The following ATG5 variants were observed in gnomAD, a reference collection of about 807,000 sequenced individuals.
ATG5 encodes autophagy related 5.
A neutral mutation model predicts 36.5 loss-of-function variants in ATG5; 14 were observed. The ratio of observed to expected loss-of-function variants is 0.38; its 90% CI spans 0.25 to 0.60. The LOEUF is 0.60. Ranked by LOEUF, ATG5 falls within the 20% of genes least tolerant of loss-of-function variation. The probability of loss-of-function intolerance (pLI) is 0.60; values close to 1 mark genes in which losing one functional copy is unlikely to be tolerated. For synonymous variants in ATG5, 95 were observed against 101.5 expected (o/e 0.94, Z 0.38); for missense variants, 195 against 326.7 (o/e 0.60, Z 3.11).
intron 1 of ATG5, among the ~76,000 whole-genome samples, chr6:106,323,260 C>CT (rs71274321): frequency 0.38 from 24,530 of 64,250 alleles, 7,135 homozygotes; most frequent in Non-Finnish European, 0.48. Context: ...TGGAAAAGTC[C>CT]TTTTTTTTTT....
chr6:106,231,090 A>G (rs9486308), intron 6 of ATG5, among the ~76,000 whole-genome samples: 26,536 of 152,002 alleles, frequency 0.17, 2,734 homozygotes, highest in African/African-American at 0.28. Flanking sequence ...TAACCAAAGA[A>G]TGCCAATATT....
chr6:106,211,965 C>T (rs1476953851), intron 6 of ATG5, among the ~76,000 whole-genome samples: 1 of 152,098 alleles, frequency 6.6e-6, no homozygotes, highest in East Asian at 1.9e-4. Context: ...ATTTGATTTA[C>T]AAGGGTTGCT....
Position 106,224,604 on chromosome 6 carries a change from G to A in ATG5, c.574-22515C>T, listed in dbSNP as rs145088158. On this transcript the variant is annotated intron_variant, in intron 6 of 7. Coordinates refer to ENST00000369076, the MANE Select transcript of ATG5 (RefSeq NM_004849.4). ...TAAGACCAGAAATACGGCCAGGTGCGGTGGCTCATGCCTGTAATCCCAGCA... is the reference window on the plus strand; with the variant it reads ...TAAGACCAGAAATACGGCCAGGTGCAGTGGCTCATGCCTGTAATCCCAGCA... Among the ~76,000 whole-genome samples the A allele has an allele frequency of 2.6e-3, 402 of 152,248 alleles. 2 individuals carry two copies. Among genetic ancestry groups the A allele is most frequent in the Admixed American group, 4.9e-3 (75 of 15,296 alleles).
intron 3 of ATG5, among the ~76,000 whole-genome samples, chr6:106,298,881 T>C (rs1770091122): frequency 1.3e-5 from 2 of 152,346 alleles, no homozygotes; most frequent in South Asian, 4.1e-4. Flanking sequence ...TTAAAGGTAC[T>C]GAGTTTCTCT....
intron 6 of ATG5, among the ~76,000 whole-genome samples, chr6:106,202,694 C>T (rs9486305): frequency 0.17 from 26,483 of 152,162 alleles, 2,713 homozygotes; most frequent in African/African-American, 0.28. Context: ...CAGAGTCTCG[C>T]TCTGCCACCC....
intron 7 of ATG5, among the ~76,000 whole-genome samples, chr6:106,188,306 T>C (rs1775846304): frequency 6.6e-6 from 1 of 152,230 alleles, no homozygotes; most frequent in South Asian, 2.1e-4. Context: ...GGTATAATTC[T>C]CTTCATATTC....
Position 106,218,097 on chromosome 6 carries a change from T to C in ATG5, c.574-16008A>G, listed in dbSNP as rs1488921408. Among the ~76,000 whole-genome samples the C allele has an allele frequency of 4.6e-5, 7 of 152,122 alleles. No homozygotes were observed. In the East Asian group the frequency reaches 1.3e-3, roughly 29 times the overall value. On this transcript the variant is annotated intron_variant, in intron 6 of 7. Transcript: ENST00000369076. ...CATCTGAGAAATGCAAAAGAGACTT[T>C]GGTAAGGGGTTGAGTAAGGAGCATT...
chr6:106,261,831 C>T (rs1002510802), intron 5 of ATG5, among the ~76,000 whole-genome samples: 1 of 152,116 alleles, frequency 6.6e-6, no homozygotes. Flanking sequence ...ACAATTATTA[C>T]CGGGGGAGCG....
intron 1 of ATG5, 66 bp downstream of exon 1, chr6:106,325,460 A>C (rs538371058): frequency 3.9e-5 from 6 of 152,448 alleles, no homozygotes; most frequent in African/African-American, 1.5e-4. Flanking sequence ...TACCACACCT[A>C]CCTGGCCCCT....
chr6:106,314,926 C>T (rs34246759), intron 2 of ATG5, among the ~76,000 whole-genome samples: 1,698 of 152,130 alleles, frequency 0.011, 13 homozygotes, highest in South Asian at 0.029. Flanking sequence ...ACAAGATTGC[C>T]GAACTTCTCT....
chr6:106,281,412 A>G (rs1779872787), intron 4 of ATG5, among the ~76,000 whole-genome samples: 1 of 152,210 alleles, frequency 6.6e-6, no homozygotes, highest in Non-Finnish European at 1.5e-5. Flanking sequence ...GCCTGTAATA[A>G]AATCTCATAT....
At chr6:106,306,348 G>A (rs1295204065) in intron 3 of ATG5, among the ~76,000 whole-genome samples, 3 of 152,166 alleles carry the variant, frequency 2.0e-5, no homozygotes, top group Non-Finnish European at 2.9e-5. Context: ...GAAAGATGAT[G>A]ACTTAGCAAT....
chr6:106,281,665 G>T (rs922701502), intron 4 of ATG5, among the ~76,000 whole-genome samples: 3 of 152,172 alleles, frequency 2.0e-5, no homozygotes, highest in Non-Finnish European at 4.4e-5. Context: ...TTATAGACAC[G>T]TCTTCATCTT....
chr6:106,315,608 CGTGT>C (rs541899030), intron 2 of ATG5, among the ~76,000 whole-genome samples: 14 of 151,894 alleles, frequency 9.2e-5, no homozygotes, highest in African/African-American at 1.9e-4. Flanking sequence ...GTGAACGTAT[CGTGT>C]GTGTGTATGT....
At chr6:106,308,613 C>T in intron 2 of ATG5, 122 bp from the exon 3 acceptor site, 1 of 740,142 alleles carries the variant, frequency 1.4e-6, no homozygotes, top group South Asian at 2.4e-5. Flanking sequence ...GAATATCCCA[C>T]ACAAAGTCTA....
intron 6 of ATG5, among the ~76,000 whole-genome samples, chr6:106,228,523 T>A (rs990134385): frequency 6.6e-6 from 1 of 152,070 alleles, no homozygotes; most frequent in Non-Finnish European, 1.5e-5. Flanking sequence ...CAAGATTCCA[T>A]TTATTGGAAT....
intron 2 of ATG5, among the ~76,000 whole-genome samples, chr6:106,314,824 G>C (rs1278433382): frequency 1.3e-5 from 2 of 152,018 alleles, no homozygotes; most frequent in African/African-American, 4.8e-5. Context: ...GACCATACTT[G>C]GTTTTTAACT....
chr6:106,270,376 CAG>C (rs1170974279), intron 5 of ATG5, among the ~76,000 whole-genome samples: 3 of 152,124 alleles, frequency 2.0e-5, no homozygotes, highest in African/African-American at 7.2e-5. Flanking sequence ...ATGCCACACA[CAG>C]AGTTTCAGGT....
chr6:106,228,447 T>C (rs1247479486), intron 6 of ATG5, among the ~76,000 whole-genome samples: 2 of 152,196 alleles, frequency 1.3e-5, no homozygotes, highest in African/African-American at 2.4e-5. Context: ...CACTAGTCAC[T>C]GGGTTCCACG....
Sources: allele counts gnomAD v4.1 joint callset (sites outside exome capture counted in the v4.1 genomes callset), GRCh38; gene constraint gnomAD v4.1.1; transcripts MANE v1.5; gene names NCBI Gene and HGNC (gene_info 2026-07-23, HGNC 2026-07-21).